FGF12: variants seen among roughly 807,000 people sequenced by gnomAD.
FGF12 encodes the protein fibroblast growth factor 12B.
FGF12 carries 14 observed loss-of-function variants against 23.6 expected under a neutral mutation model. That is an observed-to-expected ratio of 0.59 (90% CI 0.39 to 0.93). The LOEUF is 0.93. Among genes scored for constraint, FGF12 ranks in the 40% least tolerant of loss-of-function variants. The pLI is 0.00. For missense variants in FGF12, 175 were observed against 217.8 expected (o/e 0.80, Z 1.24); for synonymous variants, 62 against 77.3 (o/e 0.80, Z 1.04).
chr3:192,697,471 G>A (rs898231902), intron 2 of FGF12, among the ~76,000 whole-genome samples: 1 of 152,128 alleles, frequency 6.6e-6, no homozygotes, highest in African/African-American at 2.4e-5. Context: ...CTCACTGAAG[G>A]TCAACTCCCA....
At chr3:192,403,045 A>G (rs971018677) in intron 2 of FGF12, among the ~76,000 whole-genome samples, 4 of 152,096 alleles carry the variant, frequency 2.6e-5, no homozygotes, top group African/African-American at 7.3e-5. Context: ...ATACATGATG[A>G]TCATGCATTC....
intron 2 of FGF12, among the ~76,000 whole-genome samples, chr3:192,590,876 C>G (rs1158161137): frequency 1.3e-5 from 2 of 151,886 alleles, no homozygotes; most frequent in Admixed American, 1.3e-4. Context: ...ACAGTGATGA[C>G]CTGATAGCTT....
intron 3 of FGF12, among the ~76,000 whole-genome samples, 190 bp from the exon 4 acceptor site, chr3:192,335,654 T>C (rs1391486784): frequency 1.3e-5 from 2 of 152,270 alleles, no homozygotes; most frequent in African/African-American, 4.8e-5. Flanking sequence ...ATTACCTATG[T>C]AACTTCAGGT....
chr3:192,599,859 A>G (rs1436129412), intron 2 of FGF12, among the ~76,000 whole-genome samples: 3 of 152,118 alleles, frequency 2.0e-5, no homozygotes, highest in Admixed American at 6.6e-5. Context: ...AGAGAAAAAA[A>G]GTGTGGAGAT....
At chr3:192,668,644 T>C (rs1716987271) in intron 2 of FGF12, among the ~76,000 whole-genome samples, 1 of 152,212 alleles carries the variant, frequency 6.6e-6, no homozygotes, top group Non-Finnish European at 1.5e-5. Context: ...GAACTCATCC[T>C]GAGATGCTAT....
intron 2 of FGF12, among the ~76,000 whole-genome samples, chr3:192,716,648 C>G (rs574770504): frequency 6.6e-6 from 1 of 152,164 alleles, no homozygotes; most frequent in South Asian, 2.1e-4. Flanking sequence ...AAGTAGTAAG[C>G]CTAAGGGTCA....
At chr3:192,397,508 T>A (rs1277313367) in intron 2 of FGF12, among the ~76,000 whole-genome samples, 1 of 152,208 alleles carries the variant, frequency 6.6e-6, no homozygotes, top group Non-Finnish European at 1.5e-5. Context: ...AAAAACCCAC[T>A]GCAATATCCT....
At chr3:192,575,107 A>G (rs1712816978) in intron 2 of FGF12, among the ~76,000 whole-genome samples, 1 of 152,244 alleles carries the variant, frequency 6.6e-6, no homozygotes, top group Non-Finnish European at 1.5e-5. Context: ...ATCTCAAATA[A>G]TTACATGGAG....
At chr3:192,400,167 T>TA (rs200823914) in intron 2 of FGF12, among the ~76,000 whole-genome samples, 2,416 of 152,262 alleles carry the variant, frequency 0.016, 70 homozygotes, top group African/African-American at 0.056. Flanking sequence ...GGCCTATAAA[T>TA]ACTACAAACG....
chr3:192,339,410 C>T (rs1717583858), intron 3 of FGF12, among the ~76,000 whole-genome samples: 1 of 152,132 alleles, frequency 6.6e-6, no homozygotes, highest in African/African-American at 2.4e-5. Flanking sequence ...AAGCCATTTT[C>T]CTGCTTACAA....
chr3:192,171,077 TG>T (rs1428224755), intron 4 of FGF12, among the ~76,000 whole-genome samples: 1 of 152,234 alleles, frequency 6.6e-6, no homozygotes, highest in East Asian at 1.9e-4. Flanking sequence ...AAGGTGCTTT[TG>T]AAGAGACTAT....
intron 4 of FGF12, among the ~76,000 whole-genome samples, chr3:192,222,735 C>T (rs1408575156): frequency 1.3e-5 from 2 of 152,074 alleles, no homozygotes; most frequent in South Asian, 2.1e-4. Context: ...CAAGTTAACC[C>T]GATACAACAG....
chr3:192,426,956 C>A (rs959493432), intron 2 of FGF12, among the ~76,000 whole-genome samples: 1 of 152,056 alleles, frequency 6.6e-6, no homozygotes, highest in Non-Finnish European at 1.5e-5. Context: ...CTTACTGATA[C>A]GATTATTTTG....
chr3:192,158,197 G>T (rs1352234963), intron 5 of FGF12, among the ~76,000 whole-genome samples: 2 of 152,054 alleles, frequency 1.3e-5, no homozygotes, highest in Non-Finnish European at 2.9e-5. Flanking sequence ...TGGTCAATCA[G>T]CTCTCTCATG....
chr3:192,563,031 G>C (rs577854852), intron 2 of FGF12, among the ~76,000 whole-genome samples: 19 of 152,260 alleles, frequency 1.2e-4, no homozygotes, highest in Non-Finnish European at 2.1e-4. Context: ...ATCACAGAAA[G>C]ACTCCAAGGA....
At chr3:192,527,544 A>G (rs2366691) in intron 2 of FGF12, among the ~76,000 whole-genome samples, 130,560 of 152,262 alleles carry the variant, frequency 0.86, 56,194 homozygotes, top group Non-Finnish European at 0.9. Context: ...CATTGTAAGC[A>G]TTCAATATGT....
chr3:192,408,521 G>C lies in FGF12; in HGVS notation c.14-47983C>G. The C allele has an allele frequency of 8.3e-7, 1 of 1,205,916 alleles. No homozygotes were observed. The highest frequency in any genetic ancestry group is 1.0e-6 in the Non-Finnish European group (1 of 968,160). The allele number at this position is 1,205,916 out of a possible 1,614,324, so 74.7% of individuals were successfully genotyped here. ...AAGTAGACGTTTGCACCCCAAACTT[G>C]CACCCCAAGGCGATCGGCGTCCAAG... is the stretch of plus-strand genomic sequence containing the variant. On this transcript the variant is annotated intron_variant, in intron 2 of 5. Coordinates refer to ENST00000445105, the MANE Select transcript of FGF12 (RefSeq NM_004113.6). The surrounding 1 kb of genome is among the most constrained non-coding windows in gnomAD (Gnocchi z 7.3).
intron 4 of FGF12, among the ~76,000 whole-genome samples, chr3:192,171,839 G>A (rs1419342007): frequency 2.0e-5 from 3 of 151,590 alleles, no homozygotes; most frequent in African/African-American, 7.3e-5. Flanking sequence ...CCTTGTAGGT[G>A]ATACTCCCAT....
intron 2 of FGF12, among the ~76,000 whole-genome samples, chr3:192,659,313 T>C (rs978318564): frequency 6.6e-6 from 1 of 152,144 alleles, no homozygotes; most frequent in African/African-American, 2.4e-5. Context: ...CAATGAAAAC[T>C]AAACTGATAA....
Sources: allele counts gnomAD v4.1 joint callset (sites outside exome capture counted in the v4.1 genomes callset), GRCh38; gene constraint gnomAD v4.1.1; non-coding constraint Gnocchi (gnomAD v3.1); transcripts MANE v1.5; gene names NCBI Gene and HGNC (gene_info 2026-07-23, HGNC 2026-07-21).